Variants in CACNB4 observed in about 807,000 individuals in gnomAD.
The protein encoded by CACNB4 is calcium voltage-gated channel auxiliary subunit beta 4, also known as voltage-dependent L-type calcium channel subunit beta-4.
A neutral mutation model predicts 71.2 loss-of-function variants in CACNB4; 32 were observed. That is an observed-to-expected ratio of 0.45 (90% CI 0.34 to 0.60). CACNB4 has a LOEUF of 0.60. Ranked by LOEUF, CACNB4 falls within the 20% of genes least tolerant of loss-of-function variation. The probability of loss-of-function intolerance (pLI) is 0.01; values close to 1 mark genes in which losing one functional copy is unlikely to be tolerated. For missense variants in CACNB4, 464 were observed against 647.9 expected (o/e 0.72, Z 3.08); for synonymous variants, 231 against 236.9 (o/e 0.97, Z 0.23).
At chr2:152,051,938 A>C (rs569867425) in intron 2 of CACNB4, among the ~76,000 whole-genome samples, 1 of 152,376 alleles carries the variant, frequency 6.6e-6, no homozygotes, top group South Asian at 2.1e-4. Context: ...ATTAAAGTAC[A>C]TATAATATGT....
intron 2 of CACNB4, among the ~76,000 whole-genome samples, chr2:152,024,985 G>A (rs530475150): frequency 7.2e-5 from 11 of 152,188 alleles, no homozygotes; most frequent in Non-Finnish European, 1.6e-4. Flanking sequence ...GAACCTGGGA[G>A]GCAGGGGTTG....
intron 2 of CACNB4, among the ~76,000 whole-genome samples, chr2:151,902,042 T>C (rs914941451): frequency 2.6e-3 from 120 of 45,780 alleles, no homozygotes; most frequent in Non-Finnish European, 0.012. Context: ...CTTTTTTTTT[T>C]TTTTTTTTTT....
At chr2:151,933,679 G>A (rs904456182) in intron 2 of CACNB4, among the ~76,000 whole-genome samples, 2 of 152,076 alleles carry the variant, frequency 1.3e-5, no homozygotes, top group African/African-American at 4.8e-5. Context: ...TGGTGCCATG[G>A]TCAGTAAAGC....
At chr2:152,092,481 C>T (rs996222485) in intron 2 of CACNB4, among the ~76,000 whole-genome samples, 1 of 152,130 alleles carries the variant, frequency 6.6e-6, no homozygotes, top group African/African-American at 2.4e-5. Flanking sequence ...TAACGATCAT[C>T]TGATTAGCAT....
At chr2:151,905,299 T>G (rs2099854505) in intron 2 of CACNB4, among the ~76,000 whole-genome samples, 2 of 152,328 alleles carry the variant, frequency 1.3e-5, no homozygotes, top group South Asian at 4.1e-4. Context: ...ACTAACATAT[T>G]GTATTATCAA....
At chr2:151,937,659 C>T (rs1034444334) in intron 2 of CACNB4, among the ~76,000 whole-genome samples, 1 of 152,138 alleles carries the variant, frequency 6.6e-6, no homozygotes, top group Non-Finnish European at 1.5e-5. Flanking sequence ...CATTCATGCT[C>T]CCCATTTCTG....
At chr2:151,842,708 C>G (rs557955132) in intron 12 of CACNB4, among the ~76,000 whole-genome samples, 5 of 152,102 alleles carry the variant, frequency 3.3e-5, no homozygotes, top group Non-Finnish European at 1.5e-5. Flanking sequence ...CAAAAACCCA[C>G]GTGTATTCAC....
At chr2:151,857,211 A>G (rs1042678537) in intron 10 of CACNB4, 30 of 152,220 alleles carry the variant, frequency 2.0e-4, no homozygotes, top group Admixed American at 1.5e-3. Context: ...ATGAAAATCT[A>G]TTTTCTTATG....
intron 2 of CACNB4, among the ~76,000 whole-genome samples, chr2:151,948,439 T>G (rs2099866110): frequency 6.6e-6 from 1 of 152,154 alleles, no homozygotes. Context: ...GAGGGTGGAT[T>G]GGTTGAGCCC....
chr2:151,946,036 A>T (rs2099865506), intron 2 of CACNB4, among the ~76,000 whole-genome samples: 1 of 152,142 alleles, frequency 6.6e-6, no homozygotes, highest in Admixed American at 6.5e-5. Flanking sequence ...TTATAATAAA[A>T]TGCCTCCCAA....
At chr2:151,979,075 C>A (rs1212167914) in intron 2 of CACNB4, among the ~76,000 whole-genome samples, 1 of 152,128 alleles carries the variant, frequency 6.6e-6, no homozygotes, top group East Asian at 1.9e-4. Context: ...CCCCACCAGC[C>A]ACTCCTGGAC....
At chr2:151,915,844 T>G (rs1278088279) in intron 2 of CACNB4, among the ~76,000 whole-genome samples, 1 of 39,292 alleles carries the variant, frequency 2.5e-5, no homozygotes. Context: ...CGAAGCTCCA[T>G]CTCAAAAAAA....
chr2:151,982,814 T>C (rs1351152388), intron 2 of CACNB4, among the ~76,000 whole-genome samples: 6 of 152,158 alleles, frequency 3.9e-5, no homozygotes, highest in Non-Finnish European at 8.8e-5. Flanking sequence ...GAGGCAACTT[T>C]ATTTAGGGGT....
At chr2:152,011,844 C>G (rs186224234) in intron 2 of CACNB4, among the ~76,000 whole-genome samples, 1 of 152,286 alleles carries the variant, frequency 6.6e-6, no homozygotes, top group African/African-American at 2.4e-5. Context: ...TCCCATAAGA[C>G]TGTAATGGGG....
At chr2:151,888,564 C>A (rs990529942) in intron 2 of CACNB4, among the ~76,000 whole-genome samples, 5 of 151,918 alleles carry the variant, frequency 3.3e-5, no homozygotes, top group African/African-American at 1.2e-4. Flanking sequence ...GACCCTGTCT[C>A]AAAAAAATAA....
intron 2 of CACNB4, among the ~76,000 whole-genome samples, chr2:151,924,324 C>T (rs1236345285): frequency 6.6e-6 from 1 of 151,296 alleles, no homozygotes; most frequent in African/African-American, 2.4e-5. Flanking sequence ...GTGATCTGCC[C>T]GCCTCGCCCT....
intron 2 of CACNB4, among the ~76,000 whole-genome samples, chr2:151,909,190 G>A (rs1481655332): frequency 1.3e-5 from 2 of 150,396 alleles, no homozygotes; most frequent in Non-Finnish European, 3.0e-5. Context: ...AGCACTTTGG[G>A]AGGCCAAGGG....
In CACNB4 at chr2:152,016,707, C is replaced by T. The variant is rs145152070; in HGVS notation, c.147+81623G>A. Among the ~76,000 whole-genome samples the T allele has an allele frequency of 4.9e-3, 744 of 152,322 alleles. 4 individuals carry two copies. The highest frequency in any genetic ancestry group is 8.7e-3 in the Admixed American group (133 of 15,304). The stretch of plus-strand genomic sequence containing the variant: ...CCAGGCATGCATGTCTACGTTTGCA[C>T]GCTCAGGCACAAATGTGGCTAGGAG... On this transcript the variant is annotated intron_variant, in intron 2 of 13. Coordinates refer to ENST00000539935, the MANE Select transcript of CACNB4 (RefSeq NM_000726.5).
At chr2:151,974,815 C>CAAAA (rs35540920) in intron 2 of CACNB4, among the ~76,000 whole-genome samples, 42 of 137,994 alleles carry the variant, frequency 3.0e-4, no homozygotes, top group African/African-American at 9.6e-4. Context: ...TCTGGTCAAC[C>CAAAA]AAAAAAAAAA....
Sources: gnomAD v4.1 joint callset for allele counts (sites outside exome capture counted in the v4.1 genomes callset) on GRCh38, gnomAD v4.1.1 for gene constraint, MANE v1.5 for transcripts, NCBI Gene and HGNC (gene_info 2026-07-23, HGNC 2026-07-21) for gene names.